GALNT13: variants seen among roughly 807,000 people sequenced by gnomAD.
GALNT13 encodes UDP-GalNAc:polypeptide N-acetylgalactosaminyltransferase 13.
GALNT13 carries 28 observed loss-of-function variants against 64.2 expected under a neutral mutation model. That is an observed-to-expected ratio of 0.44 (90% CI 0.32 to 0.60). GALNT13 has a LOEUF of 0.60. Among genes scored for constraint, GALNT13 ranks in the 20% least tolerant of loss-of-function variants. The probability of loss-of-function intolerance (pLI) is 0.05; values close to 1 mark genes in which losing one functional copy is unlikely to be tolerated. For missense variants in GALNT13, 577 were observed against 669.8 expected (o/e 0.86, Z 1.53); for synonymous variants, 214 against 224.6 (o/e 0.95, Z 0.42).
the GALNT13 span, among the ~76,000 whole-genome samples, chr2:153,816,968 A>T: frequency 6.6e-6 from 1 of 152,322 alleles, no homozygotes; most frequent in Admixed American, 6.5e-5. Context: ...GCCCCAGTAG[A>T]GACAGTGCCT....
chr2:153,385,807 G>A, the GALNT13 span, among the ~76,000 whole-genome samples: 15,303 of 151,758 alleles, frequency 0.1, 877 homozygotes, highest in African/African-American at 0.14. Flanking sequence ...CTGTATTAAA[G>A]TATCTCCTTT....
chr2:153,634,437 A>G, the GALNT13 span, among the ~76,000 whole-genome samples: 106 of 152,134 alleles, frequency 7.0e-4, no homozygotes, highest in Middle Eastern at 6.8e-3. Flanking sequence ...CTGAGAGGTA[A>G]AGACATGAAA....
At chr2:153,256,773 G>T in the GALNT13 span, among the ~76,000 whole-genome samples, 1 of 152,310 alleles carries the variant, frequency 6.6e-6, no homozygotes, top group South Asian at 2.1e-4. Context: ...CGGGGGTCAA[G>T]GGTCAGGGAC....
At chr2:153,107,035 C>A in the GALNT13 span, among the ~76,000 whole-genome samples, 1 of 152,094 alleles carries the variant, frequency 6.6e-6, no homozygotes, top group African/African-American at 2.4e-5. Context: ...AACCCCTGCT[C>A]CCTATAAGTA....
chr2:153,229,603 T>TAA, the GALNT13 span, among the ~76,000 whole-genome samples: 2 of 152,204 alleles, frequency 1.3e-5, no homozygotes, highest in Non-Finnish European at 2.9e-5. Context: ...TGGTTGTTCT[T>TAA]TTATTACAAG....
chr2:154,361,004 T>C (rs1160393407), intron 9 of GALNT13, among the ~76,000 whole-genome samples: 1 of 151,858 alleles, frequency 6.6e-6, no homozygotes, highest in Non-Finnish European at 1.5e-5. Flanking sequence ...CAAAACACAA[T>C]TTGGAAAGAT....
At chr2:153,203,306 G>A in the GALNT13 span, among the ~76,000 whole-genome samples, 1 of 152,280 alleles carries the variant, frequency 6.6e-6, no homozygotes, top group African/African-American at 2.4e-5. Flanking sequence ...AAAATTTAGA[G>A]TGCATTTTTC....
chr2:153,673,388 G>T, the GALNT13 span, among the ~76,000 whole-genome samples: 1 of 152,316 alleles, frequency 6.6e-6, no homozygotes, highest in Non-Finnish European at 1.5e-5. Context: ...TCCCTGGGAT[G>T]CAAGGCTAGT....
chr2:153,311,856 A>G, the GALNT13 span, among the ~76,000 whole-genome samples: 385 of 152,356 alleles, frequency 2.5e-3, 3 homozygotes, highest in African/African-American at 8.7e-3. Flanking sequence ...CAGGGGGACC[A>G]TGTGACTACC....
the GALNT13 span, among the ~76,000 whole-genome samples, chr2:153,116,755 C>T: frequency 1.4e-5 from 2 of 148,112 alleles, no homozygotes; most frequent in African/African-American, 4.9e-5. Flanking sequence ...AAAATGACCA[C>T]AACATTGAGG....
At chr2:153,996,589 T>G (rs538254101) in intron 3 of GALNT13, among the ~76,000 whole-genome samples, 5 of 152,284 alleles carry the variant, frequency 3.3e-5, no homozygotes, top group Admixed American at 2.6e-4. Flanking sequence ...CCTTGTCAGA[T>G]GCATAGTTTG....
At chr2:153,688,816 T>A in the GALNT13 span, among the ~76,000 whole-genome samples, 1 of 152,088 alleles carries the variant, frequency 6.6e-6, no homozygotes, top group East Asian at 1.9e-4. Context: ...ATTTTATAGA[T>A]GTAATACAAT....
the GALNT13 span, among the ~76,000 whole-genome samples, chr2:153,163,242 C>T: frequency 2.6e-5 from 4 of 152,174 alleles, no homozygotes; most frequent in East Asian, 7.7e-4. Context: ...AGGAATGTCT[C>T]TTCTAGGCAA....
In GALNT13 at chr2:154,234,510, G is replaced by A. The variant is rs973658439; in HGVS notation, c.312-7520G>A. On this transcript the variant is annotated intron_variant, in intron 4 of 12. Transcript: ENST00000392825. ...GATCTTGTTCCAATATGTCCAAATA[G>A]TAATTATGTTACTGAGGTTTGAGGG... Among the ~76,000 whole-genome samples, 6 of 152,078 alleles carry A rather than the reference G, an allele frequency of 3.9e-5. No homozygotes were observed. In the South Asian group the frequency reaches 1.0e-3, roughly 26 times the overall value.
At chr2:153,586,321 GAC>G in the GALNT13 span, among the ~76,000 whole-genome samples, 2 of 152,024 alleles carry the variant, frequency 1.3e-5, no homozygotes, top group African/African-American at 4.8e-5. Flanking sequence ...TGTCTATAAA[GAC>G]ACATATAGAT....
the GALNT13 span, among the ~76,000 whole-genome samples, chr2:153,321,038 G>A: frequency 1.6e-4 from 24 of 152,250 alleles, no homozygotes; most frequent in African/African-American, 5.8e-4. Context: ...CAGAGTCCAT[G>A]GTTACTGTTT....
chr2:154,377,039 C>G (rs1235870768), intron 9 of GALNT13, among the ~76,000 whole-genome samples: 2 of 152,012 alleles, frequency 1.3e-5, no homozygotes, highest in East Asian at 1.9e-4. Context: ...TAGGATCTAC[C>G]TAGTTCAGAT....
intron 1 of GALNT13, among the ~76,000 whole-genome samples, chr2:153,877,254 T>C (rs1295538252): frequency 1.3e-5 from 2 of 152,134 alleles, no homozygotes; most frequent in Non-Finnish European, 2.9e-5. Context: ...TATATCATGT[T>C]AAGGTTTTAA....
the GALNT13 span, among the ~76,000 whole-genome samples, chr2:153,346,644 C>T: frequency 6.6e-6 from 1 of 151,658 alleles, no homozygotes; most frequent in Non-Finnish European, 1.5e-5. Flanking sequence ...TAATATAGAC[C>T]CTGGATTTCC....
Sources: gnomAD v4.1 joint callset for allele counts (sites outside exome capture counted in the v4.1 genomes callset) on GRCh38, gnomAD v4.1.1 for gene constraint, MANE v1.5 for transcripts, NCBI Gene and HGNC (gene_info 2026-07-23, HGNC 2026-07-21) for gene names.